The following MAP4K3 variants were observed in gnomAD, a reference collection of about 807,000 sequenced individuals.
The protein encoded by MAP4K3 is mitogen-activated protein kinase kinase kinase kinase 3.
MAP4K3 carries 94 observed loss-of-function variants against 143.5 expected under a neutral mutation model. That is an observed-to-expected ratio of 0.65 (90% CI 0.55 to 0.78). MAP4K3 has a LOEUF of 0.78. Among genes scored for constraint, MAP4K3 ranks in the 30% least tolerant of loss-of-function variants. The pLI, the probability that MAP4K3 is intolerant of heterozygous loss-of-function variation, is 0.00. For synonymous variants in MAP4K3, 416 were observed against 347.2 expected (o/e 1.20, Z -2.20); for missense variants, 1,077 against 1,068.1 (o/e 1.01, Z -0.12).
intron 20 of MAP4K3, among the ~76,000 whole-genome samples, chr2:39,287,803 C>T (rs942629751): frequency 6.6e-6 from 1 of 152,204 alleles, no homozygotes; most frequent in African/African-American, 2.4e-5. Flanking sequence ...ACGCAAAACA[C>T]ATTTTCCATG....
intron 2 of MAP4K3, among the ~76,000 whole-genome samples, chr2:39,367,884 T>C (rs1210826945): frequency 6.6e-6 from 1 of 151,692 alleles, no homozygotes; most frequent in African/African-American, 2.4e-5. Flanking sequence ...GAATTAAGAT[T>C]TTTTTCATCC....
chr2:39,272,400 C>A lies in MAP4K3; in HGVS notation c.1856G>T (p.Gly619Val). The A allele has an allele frequency of 6.2e-7, 1 of 1,607,580 alleles. No individual in the cohort carries two copies. Residue 619 changes from glycine (G) to valine (V), a missense_variant and splice_region_variant, in exon 26 of 34, where the codon GGT becomes GTT. Gly to Val is a moderately radical substitution (Grantham distance 109). Coordinates refer to ENST00000263881, the MANE Select transcript of MAP4K3 (RefSeq NM_003618.4). ...VMNNCLLSISGKASQLYSHNL... is the reference protein window; with the variant it reads ...VMNNCLLSISVKASQLYSHNL... ...ATGGGAATAAAGCTGAGAAGCTTTA[C>A]CTATAAAGAAAAACAGATATGACAT... is the stretch of plus-strand genomic sequence containing the variant.
chr2:39,327,684 A>G (rs1227323606), intron 8 of MAP4K3, among the ~76,000 whole-genome samples: 1 of 152,260 alleles, frequency 6.6e-6, no homozygotes, highest in Non-Finnish European at 1.5e-5. Flanking sequence ...AATCTTTTAA[A>G]TCTGAAACAG....
chr2:39,413,383 G>C (rs1437323712), intron 1 of MAP4K3, among the ~76,000 whole-genome samples: 1 of 152,158 alleles, frequency 6.6e-6, no homozygotes, highest in African/African-American at 2.4e-5. Context: ...CCACCATTAT[G>C]AGGAAAGGGG....
intron 2 of MAP4K3, among the ~76,000 whole-genome samples, chr2:39,361,759 T>A (rs2148559423): frequency 1.3e-5 from 2 of 151,682 alleles, no homozygotes; most frequent in Middle Eastern, 6.8e-3. Context: ...TAAAACAGAA[T>A]CTGCTCTGTT....
At position 39,258,731 on chromosome 2, in the gene MAP4K3, A is replaced by G. The variant is rs960340272; in HGVS notation, c.2309-144T>C. On this transcript the variant is annotated intron_variant, in intron 29 of 33. Coordinates refer to ENST00000263881, the MANE Select transcript of MAP4K3 (RefSeq NM_003618.4). ...ACACATGTAGTGACTGAGCCAGGCT[A>G]GTGGGTTTAAATGCTGATGCAAGTG... 8 of 675,408 alleles carry G rather than the reference A, an allele frequency of 1.2e-5. No individual in the cohort carries two copies. The Admixed American group carries it at 1.6e-4, about 13-fold the overall frequency. 41.8% of individuals were successfully genotyped at this position (675,408 alleles called of 1,614,324 possible).
chr2:39,320,124 G>A (rs1181350995), intron 12 of MAP4K3, among the ~76,000 whole-genome samples: 1 of 152,100 alleles, frequency 6.6e-6, no homozygotes, highest in South Asian at 2.1e-4. Context: ...TCAAGATTAG[G>A]AAATAATGTT....
chr2:39,324,509 G>A (rs1163802773), intron 12 of MAP4K3, among the ~76,000 whole-genome samples: 2 of 152,086 alleles, frequency 1.3e-5, no homozygotes, highest in South Asian at 2.1e-4. Flanking sequence ...CTCTTTTCCA[G>A]ACCCTTAAAC....
intron 32 of MAP4K3, among the ~76,000 whole-genome samples, chr2:39,252,980 T>C (rs187680757): frequency 1.9e-4 from 29 of 152,334 alleles, no homozygotes; most frequent in African/African-American, 5.3e-4. Context: ...CTTTTAGTTT[T>C]TAAACCACTT....
At chr2:39,307,013 A>G (rs1170131832) in intron 15 of MAP4K3, among the ~76,000 whole-genome samples, 2 of 152,246 alleles carry the variant, frequency 1.3e-5, no homozygotes, top group Non-Finnish European at 2.9e-5. Flanking sequence ...CAACCTCCCT[A>G]AAGAAGGGAA....
chr2:39,345,902 A>G (rs977287833), intron 3 of MAP4K3, among the ~76,000 whole-genome samples: 27 of 142,138 alleles, frequency 1.9e-4, no homozygotes, highest in African/African-American at 7.2e-4. Flanking sequence ...AGCCTGAGTG[A>G]CAGAGCTAGA....
intron 23 of MAP4K3, 138 bp downstream of exon 23, chr2:39,280,134 C>A (rs533256658): frequency 4.0e-6 from 2 of 505,372 alleles, no homozygotes; most frequent in East Asian, 3.1e-5. Context: ...AACATATTTA[C>A]CTTAAAATAA....
At chr2:39,333,829 A>G (rs9309038) in intron 6 of MAP4K3, among the ~76,000 whole-genome samples, 106,975 of 152,038 alleles carry the variant, frequency 0.7, 41,855 homozygotes, top group Non-Finnish European at 0.87. Flanking sequence ...TTAATATAAA[A>G]GTGATATATT....
intron 1 of MAP4K3, among the ~76,000 whole-genome samples, chr2:39,417,034 A>G (rs896993978): frequency 6.6e-6 from 1 of 152,214 alleles, no homozygotes; most frequent in African/African-American, 2.4e-5. Flanking sequence ...TGCTTAGCAC[A>G]TAGTAAGTGG....
At chr2:39,281,540 C>A (rs905182001) in intron 22 of MAP4K3, among the ~76,000 whole-genome samples, 1 of 152,034 alleles carries the variant, frequency 6.6e-6, no homozygotes, top group East Asian at 1.9e-4. Flanking sequence ...GTACTGCTAA[C>A]CCCTAGAAAT....
chr2:39,423,695 T>C (rs1458839869), intron 1 of MAP4K3, among the ~76,000 whole-genome samples: 3 of 152,204 alleles, frequency 2.0e-5, no homozygotes, highest in African/African-American at 4.8e-5. Context: ...ATTCCAATTA[T>C]ATGACATTCT....
chr2:39,385,915 A>T (rs1336399564), intron 1 of MAP4K3, among the ~76,000 whole-genome samples: 1 of 152,140 alleles, frequency 6.6e-6, no homozygotes, highest in Non-Finnish European at 1.5e-5. Flanking sequence ...TACAGGCATG[A>T]GCCACTGCAC....
In MAP4K3 at chr2:39,310,773, G is replaced by T. The variant is rs115023661; in HGVS notation, c.998-1254C>A. On this transcript the variant is annotated intron_variant, in intron 13 of 33. Transcript: ENST00000263881. ...GTTATTTTTTGGCTTTTTAACAACA[G>T]CCATTTAAACTAGGGTGAAATGATA... is the stretch of plus-strand genomic sequence containing the variant. Among the ~76,000 whole-genome samples the T allele has an allele frequency of 6.4e-3, 975 of 152,174 alleles. 10 individuals carry two copies. The highest frequency in any genetic ancestry group is 0.023 in the African/African-American group (935 of 41,512).
intron 2 of MAP4K3, among the ~76,000 whole-genome samples, chr2:39,362,909 A>C (rs896677084): frequency 6.6e-6 from 1 of 152,210 alleles, no homozygotes; most frequent in African/African-American, 2.4e-5. Context: ...ATAAGGTCAA[A>C]TCCTCTTTCA....
Sources: gnomAD v4.1 joint callset for allele counts (sites outside exome capture counted in the v4.1 genomes callset) on GRCh38, gnomAD v4.1.1 for gene constraint, MANE v1.5 for transcripts, NCBI Gene and HGNC (gene_info 2026-07-23, HGNC 2026-07-21) for gene names.